The following RBM25 variants were observed in gnomAD, a reference collection of about 807,000 sequenced individuals.
RBM25 encodes the protein RNA-binding protein 25.
A neutral mutation model predicts 120.7 loss-of-function variants in RBM25; 19 were observed. The ratio of observed to expected loss-of-function variants is 0.16; its 90% CI spans 0.11 to 0.23. The LOEUF (loss-of-function observed/expected upper bound fraction) is 0.23. RBM25 is among the 10% of genes least tolerant of loss of function. RBM25 has a pLI of 1.00. For missense variants in RBM25, 605 were observed against 1,041.5 expected, an observed-to-expected ratio of 0.58 and a Z score of 5.77; for synonymous variants, 390 against 326.7, an observed-to-expected ratio of 1.19 and a Z score of -2.09.
At chr14:73,105,719 C>T in intron 10 of RBM25, 140 bp from the exon 11 acceptor site, 1 of 1,312,356 alleles carries the variant, frequency 7.6e-7, no homozygotes, top group East Asian at 2.4e-5. Context: ...GAGGAGGTTA[C>T]ATAGTTTTAT....
intron 1 of RBM25, among the ~76,000 whole-genome samples, chr14:73,067,664 C>T (rs957089898): frequency 8.1e-5 from 12 of 147,562 alleles, no homozygotes; most frequent in African/African-American, 2.3e-4. Context: ...AGTGCAGTGG[C>T]GCGATCTTGG....
At chr14:73,117,202 CTTCTT>C (rs1566603578) in intron 18 of RBM25, among the ~76,000 whole-genome samples, 43 of 47,732 alleles carry the variant, frequency 9.0e-4, no homozygotes, top group Middle Eastern at 9.6e-3. Flanking sequence ...TAATTTCTTT[CTTCTT>C]TTCTTTTTTT....
At chr14:73,069,501 A>G (rs1038405648) in intron 1 of RBM25, among the ~76,000 whole-genome samples, 7 of 151,844 alleles carry the variant, frequency 4.6e-5, no homozygotes, top group Admixed American at 1.3e-4. Flanking sequence ...CTGGAGTGCA[A>G]TGGCACACTA....
intron 1 of RBM25, chr14:73,059,500 T>C (rs1894949104): frequency 6.6e-6 from 1 of 152,210 alleles, no homozygotes; most frequent in Non-Finnish European, 1.5e-5. Context: ...TCGGAGGTTA[T>C]GTAATATGGA....
At chr14:73,087,907 A>G in intron 5 of RBM25, 94 bp from the exon 6 acceptor site, 1 of 1,263,282 alleles carries the variant, frequency 7.9e-7, no homozygotes, top group Non-Finnish European at 1.1e-6. Flanking sequence ...TCTTTGTATT[A>G]AAACATTTGG....
intron 5 of RBM25, among the ~76,000 whole-genome samples, chr14:73,084,469 C>T (rs1895637408): frequency 6.6e-6 from 1 of 152,126 alleles, no homozygotes; most frequent in Non-Finnish European, 1.5e-5. Context: ...CTATAATTTG[C>T]CATTAATCTA....
At position 73,122,826 on chromosome 14, in the gene RBM25, A is replaced by G. The variant is rs1896559812; in HGVS notation, c.*3021A>G. On this transcript the variant is annotated 3_prime_UTR_variant, in exon 19 of 19. Transcript: ENST00000261973. ...TGCATTTCTGGACAGCTCCCAGCTAATGTCATTGCCAACTGATCCAAGACT... is the reference window on the plus strand; with the variant it reads ...TGCATTTCTGGACAGCTCCCAGCTAGTGTCATTGCCAACTGATCCAAGACT... The G allele has an allele frequency of 6.6e-6, 1 of 152,210 alleles. No individual in the cohort carries two copies. Among genetic ancestry groups the G allele is most frequent in the Admixed American group, 6.5e-5 (1 of 15,276 alleles). The allele number at this position is 152,210 out of a possible 1,614,324, so 9.4% of individuals were successfully genotyped here.
At chr14:73,109,981 C>T (rs765722013) in intron 14 of RBM25, among the ~76,000 whole-genome samples, 4 of 151,756 alleles carry the variant, frequency 2.6e-5, no homozygotes, top group Non-Finnish European at 4.4e-5. Context: ...ACTTCCCAGG[C>T]TCCAGGGATT....
At chr14:73,100,381 T>C (rs1445801325) in intron 9 of RBM25, 4 of 632,598 alleles carry the variant, frequency 6.3e-6, no homozygotes, top group East Asian at 2.8e-5. Flanking sequence ...GAGCTTCTGT[T>C]TTTTATTATA....
chr14:73,116,175 A>G (rs946018580), intron 18 of RBM25, among the ~76,000 whole-genome samples: 1 of 152,108 alleles, frequency 6.6e-6, no homozygotes, highest in Non-Finnish European at 1.5e-5. Context: ...CCGGGGCTCT[A>G]GGAGATAGAG....
At chr14:73,079,340 T>G (rs1295437244) in intron 4 of RBM25, among the ~76,000 whole-genome samples, 1 of 150,598 alleles carries the variant, frequency 6.6e-6, no homozygotes, top group African/African-American at 2.4e-5. Context: ...GGAGAATCAT[T>G]TGAACCTGGG....
At chr14:73,097,384 A>G (rs1895970994) in intron 7 of RBM25, among the ~76,000 whole-genome samples, 1 of 151,414 alleles carries the variant, frequency 6.6e-6, no homozygotes, top group Admixed American at 6.6e-5. Flanking sequence ...GGTTTTTAGT[A>G]GAGACGGGGT....
At chr14:73,080,828 T>C (rs943101716) in intron 4 of RBM25, among the ~76,000 whole-genome samples, 9 of 150,246 alleles carry the variant, frequency 6.0e-5, no homozygotes, top group African/African-American at 2.2e-4. Flanking sequence ...TCTTTCTTTT[T>C]TTTTTTTTTT....
chr14:73,077,862 A>G (rs1895460031), intron 4 of RBM25, among the ~76,000 whole-genome samples: 1 of 152,218 alleles, frequency 6.6e-6, no homozygotes, highest in South Asian at 2.1e-4. Context: ...CAATGCCACT[A>G]TCACACATGA....
intron 10 of RBM25, among the ~76,000 whole-genome samples, chr14:73,105,397 A>T (rs1373604422): frequency 6.6e-6 from 1 of 152,230 alleles, no homozygotes; most frequent in African/African-American, 2.4e-5. Flanking sequence ...TCCATGCAAC[A>T]TGTCAGAATT....
chr14:73,062,577 A>C (rs949325974), intron 1 of RBM25, among the ~76,000 whole-genome samples: 3 of 151,532 alleles, frequency 2.0e-5, no homozygotes, highest in Non-Finnish European at 3.0e-5. Flanking sequence ...AGTATTCTTA[A>C]GAGTGCAGAA....
intron 6 of RBM25, among the ~76,000 whole-genome samples, chr14:73,090,058 CCT>C (rs1355037011): frequency 1.3e-5 from 2 of 151,310 alleles, no homozygotes; most frequent in East Asian, 2.0e-4. Context: ...AAGTACCCCC[CCT>C]CTTTTTTTTT....
chr14:73,097,762 T>C (rs1895980662), intron 7 of RBM25, among the ~76,000 whole-genome samples: 1 of 152,118 alleles, frequency 6.6e-6, no homozygotes, highest in Non-Finnish European at 1.5e-5. Flanking sequence ...TATGTCACAT[T>C]CCCCTCCCTG....
chr14:73,085,117 C>G (rs1476694180), intron 5 of RBM25, among the ~76,000 whole-genome samples: 1 of 151,914 alleles, frequency 6.6e-6, no homozygotes, highest in Non-Finnish European at 1.5e-5. Flanking sequence ...CTCCCTGATT[C>G]AAACGATTCT....
Sources: gnomAD v4.1 joint callset for allele counts (sites outside exome capture counted in the v4.1 genomes callset) on GRCh38, gnomAD v4.1.1 for gene constraint, MANE v1.5 for transcripts, NCBI Gene and HGNC (gene_info 2026-07-23, HGNC 2026-07-21) for gene names.